Variants in CLECL1 observed in about 807,000 individuals in gnomAD.
CLECL1 encodes the protein C-type lectin-like domain family 1.
downstream of CLECL1, among the ~76,000 whole-genome samples, chr12:9,720,326 T>A (rs985980205): frequency 2.6e-5 from 4 of 151,612 alleles, no homozygotes; most frequent in African/African-American, 9.7e-5. Context: ...CTGTGGAATT[T>A]CATGCCACCT....
chr12:9,720,523 G>A (rs1031208660), downstream of CLECL1, among the ~76,000 whole-genome samples: 3 of 151,976 alleles, frequency 2.0e-5, no homozygotes, highest in African/African-American at 7.3e-5. Context: ...GTATTTTTTA[G>A]TAGAGACGGG....
chr12:9,711,642 A>T (rs1026073766), downstream of CLECL1, among the ~76,000 whole-genome samples: 12 of 150,624 alleles, frequency 8.0e-5, no homozygotes, highest in African/African-American at 2.4e-4. Flanking sequence ...GATTATTATT[A>T]TTTTTTTTTT....
intron 3 of CLECL1, among the ~76,000 whole-genome samples, chr12:9,724,917 A>G (rs2121054128): frequency 6.6e-6 from 1 of 152,316 alleles, no homozygotes; most frequent in South Asian, 2.1e-4. Flanking sequence ...CCAAAGATAA[A>G]AATCTTGAAA....
At chr12:9,703,585 G>C in the CLECL1 span, among the ~76,000 whole-genome samples, 2 of 152,186 alleles carry the variant, frequency 1.3e-5, no homozygotes, top group East Asian at 3.9e-4. Flanking sequence ...TGTAGAGACA[G>C]AGTTACACCG....
chr12:9,713,643 A>G (rs1040490102), downstream of CLECL1, among the ~76,000 whole-genome samples: 43 of 152,046 alleles, frequency 2.8e-4, no homozygotes, highest in Admixed American at 2.6e-3. Flanking sequence ...GGAAGTTCTC[A>G]CTCTTATTTT....
rs752500260 is a variant in CLECL1 at position 9,726,687 on chromosome 12, G to A, written n.262+878C>T. Among the ~76,000 whole-genome samples, 10 of 152,032 alleles carry A rather than the reference G, an allele frequency of 6.6e-5. No individual in the cohort carries two copies. In the East Asian group the frequency reaches 1.5e-3, roughly 23 times the overall value. On this transcript the variant is annotated intron_variant and non_coding_transcript_variant, in intron 3 of 3. Coordinates refer to ENST00000621400, the Ensembl canonical transcript of CLECL1. Reference sequence around the variant, plus strand: ...CTAATCAATTGAAAGTAGAACCTTAGGAGAGGTAACTTACACCTCTATAAC... The same window carrying A: ...CTAATCAATTGAAAGTAGAACCTTAAGAGAGGTAACTTACACCTCTATAAC...
chr12:9,723,701 G>A (rs145293637), intron 3 of CLECL1, among the ~76,000 whole-genome samples: 2 of 152,210 alleles, frequency 1.3e-5, no homozygotes, highest in African/African-American at 4.8e-5. Flanking sequence ...TGAAAATGAA[G>A]AATCAATTCC....
At chr12:9,710,117 T>A in the CLECL1 span, among the ~76,000 whole-genome samples, 3 of 152,228 alleles carry the variant, frequency 2.0e-5, no homozygotes, top group Non-Finnish European at 4.4e-5. Context: ...TGGGGTACAA[T>A]GTTATTGTTA....
chr12:9,718,773 A>T (rs1866270081), downstream of CLECL1: 2 of 700,890 alleles, frequency 2.9e-6, no homozygotes. Context: ...AAAGGTGATC[A>T]GCTGAAAACC....
At chr12:9,723,620 C>T (rs1866341724) in intron 3 of CLECL1, among the ~76,000 whole-genome samples, 1 of 152,044 alleles carries the variant, frequency 6.6e-6, no homozygotes. Flanking sequence ...GTGAGTAAAA[C>T]ATCATTAAAA....
intron 1 of CLECL1, among the ~76,000 whole-genome samples, chr12:9,730,246 G>A (rs1298856245): frequency 6.6e-6 from 1 of 152,008 alleles, no homozygotes; most frequent in Admixed American, 6.6e-5. Flanking sequence ...GCTGCCTTCG[G>A]TATCCACACT....
intron 1 of CLECL1, among the ~76,000 whole-genome samples, chr12:9,731,357 C>T (rs1320440197): frequency 1.3e-5 from 2 of 152,118 alleles, no homozygotes; most frequent in African/African-American, 4.8e-5. Context: ...GTGCTAGAAA[C>T]ACAAAGATTA....
chr12:9,703,553 C>A, the CLECL1 span, among the ~76,000 whole-genome samples: 1 of 152,004 alleles, frequency 6.6e-6, no homozygotes, highest in African/African-American at 2.4e-5. Flanking sequence ...TGCCATTATA[C>A]CTGACTAATT....
the CLECL1 span, among the ~76,000 whole-genome samples, chr12:9,702,362 G>A: frequency 1.1e-3 from 174 of 152,190 alleles, no homozygotes; most frequent in African/African-American, 4.0e-3. Context: ...TCTGACATCC[G>A]GCTGCTTCTT....
rs182823058 is a variant in CLECL1 at position 9,725,481 on chromosome 12, T to C, written n.262+2084A>G. On this transcript the variant is annotated intron_variant and non_coding_transcript_variant, in intron 3 of 3. Coordinates refer to ENST00000621400, the Ensembl canonical transcript of CLECL1. ...TTAATGAAAACTATAAAAACTACAG[T>C]TTCACTTCTCTGATAGACTAGATAC... 6.6e-5 allele frequency among the ~76,000 whole-genome samples: 10 copies of C among 152,132 alleles called. No homozygotes were observed. The East Asian group carries it at 1.5e-3, about 23-fold the overall frequency.
the CLECL1 span, chr12:9,708,934 A>G: frequency 3.9e-6 from 1 of 259,280 alleles, no homozygotes; most frequent in South Asian, 5.8e-5. Context: ...ATCCTGAACC[A>G]TTGGGACGGC....
At chr12:9,725,230 A>G (rs1432988817) in intron 3 of CLECL1, among the ~76,000 whole-genome samples, 1 of 152,150 alleles carries the variant, frequency 6.6e-6, no homozygotes, top group Admixed American at 6.5e-5. Context: ...TTCAAGGGAG[A>G]ACATAAAAAA....
intron 2 of CLECL1, among the ~76,000 whole-genome samples, chr12:9,728,083 T>G (rs1866400876): frequency 6.6e-6 from 1 of 151,866 alleles, no homozygotes; most frequent in Non-Finnish European, 1.5e-5. Flanking sequence ...TAATGATTTG[T>G]TCCTTTGAGA....
the CLECL1 span, among the ~76,000 whole-genome samples, chr12:9,704,646 G>C: frequency 6.6e-6 from 1 of 152,084 alleles, no homozygotes; most frequent in African/African-American, 2.4e-5. Flanking sequence ...TCACTTACAA[G>C]TGAGAACATG....
Sources: gnomAD v4.1 joint callset for allele counts (sites outside exome capture counted in the v4.1 genomes callset) on GRCh38, gnomAD v4.1.1 for gene constraint, MANE v1.5 for transcripts, NCBI Gene and HGNC (gene_info 2026-07-23, HGNC 2026-07-21) for gene names.